Variants in WDR59 observed in about 807,000 individuals in gnomAD.
The protein encoded by WDR59 is WD repeat domain 59.
In WDR59, 100 loss-of-function variants were observed where a neutral mutation model predicts 131.2. That is an observed-to-expected ratio of 0.76 (90% CI 0.65 to 0.90). WDR59 has a LOEUF of 0.90. Ranked by LOEUF, WDR59 falls within the 40% of genes least tolerant of loss-of-function variation. WDR59 has a pLI of 0.00. For missense variants in WDR59, 1,203 were observed against 1,262.2 expected (o/e 0.95, Z 0.71); for synonymous variants, 601 against 466.2 (o/e 1.29, Z -3.72).
intron 13 of WDR59, among the ~76,000 whole-genome samples, chr16:74,915,075 G>T (rs1282632213): frequency 6.6e-6 from 1 of 152,188 alleles, no homozygotes; most frequent in Admixed American, 6.5e-5. Context: ...AAGAAGTTTT[G>T]GTTGCCTTCT....
chr16:74,966,605 T>C (rs2033787210), intron 1 of WDR59, among the ~76,000 whole-genome samples: 1 of 152,082 alleles, frequency 6.6e-6, no homozygotes, highest in African/African-American at 2.4e-5. Flanking sequence ...AAACCTAACC[T>C]GGACACCCCC....
intron 9 of WDR59, 140 bp downstream of exon 9, chr16:74,923,786 T>TCA (rs1302776956): frequency 1.3e-6 from 1 of 757,234 alleles, no homozygotes; most frequent in African/African-American, 1.8e-5. Context: ...GCTATCATTA[T>TCA]CACGTTTGTC....
chr16:74,954,741 GGATA>G (rs982925411), intron 3 of WDR59, among the ~76,000 whole-genome samples: 9 of 152,238 alleles, frequency 5.9e-5, no homozygotes, highest in African/African-American at 1.9e-4. Flanking sequence ...ATGGATGGAC[GGATA>G]GATAAACAAT....
intron 6 of WDR59, among the ~76,000 whole-genome samples, chr16:74,945,538 A>G (rs2032563457): frequency 6.6e-6 from 1 of 151,982 alleles, no homozygotes; most frequent in South Asian, 2.1e-4. Context: ...AATGTGATTG[A>G]GGCATCTGTA....
In WDR59 at chr16:74,877,735, G is replaced by A. The variant is rs143747056; in HGVS notation, c.2690-3291C>T. Among the ~76,000 whole-genome samples the A allele has an allele frequency of 4.5e-3, 684 of 152,118 alleles. 5 individuals carry two copies. The highest frequency in any genetic ancestry group is 0.016 in the African/African-American group (645 of 41,490). On this transcript the variant is annotated intron_variant, in intron 25 of 25. Coordinates refer to ENST00000262144, the MANE Select transcript of WDR59 (RefSeq NM_030581.4). The stretch of plus-strand genomic sequence containing the variant: ...AATTTCTGTATTTTTAGTAGACAGG[G>A]GGTTTCACCATGTTGGCCAGTCTGG...
intron 1 of WDR59, among the ~76,000 whole-genome samples, chr16:74,970,240 A>G (rs1421513861): frequency 6.6e-6 from 1 of 151,990 alleles, no homozygotes; most frequent in Non-Finnish European, 1.5e-5. Flanking sequence ...ATTCTGTTCC[A>G]TTGGTCTATA....
intron 8 of WDR59, among the ~76,000 whole-genome samples, chr16:74,930,026 A>ATTCT (rs2031236509): frequency 2.6e-5 from 4 of 152,204 alleles, no homozygotes; most frequent in Non-Finnish European, 2.9e-5. Flanking sequence ...TGGTTACCAG[A>ATTCT]GGCTGGGAAG....
At chr16:74,874,477 G>A in intron 25 of WDR59, 33 bp from the exon 26 acceptor site, 1 of 1,600,194 alleles carries the variant, frequency 6.2e-7, no homozygotes, top group Non-Finnish European at 8.5e-7. Flanking sequence ...AAAACAAGAG[G>A]CAGCATGAGT....
chr16:74,898,006 T>C (rs1965374282), intron 18 of WDR59, among the ~76,000 whole-genome samples: 1 of 152,220 alleles, frequency 6.6e-6, no homozygotes, highest in African/African-American at 2.4e-5. Flanking sequence ...TGCTAGCTAA[T>C]GAGTAGATGG....
At chr16:74,933,795 G>C (rs1462192761) in intron 8 of WDR59, among the ~76,000 whole-genome samples, 1 of 152,130 alleles carries the variant, frequency 6.6e-6, no homozygotes, top group African/African-American at 2.4e-5. Flanking sequence ...ATGTTAGTGG[G>C]GCTAGTCACG....
chr16:74,922,606 G>A (rs978273309), intron 9 of WDR59, among the ~76,000 whole-genome samples: 9 of 152,124 alleles, frequency 5.9e-5, no homozygotes, highest in Non-Finnish European at 1.0e-4. Context: ...AAACTTGCTC[G>A]CTTCAGGACT....
chr16:74,913,717 G>A (rs1966218945), intron 13 of WDR59, among the ~76,000 whole-genome samples: 1 of 152,156 alleles, frequency 6.6e-6, no homozygotes, highest in Non-Finnish European at 1.5e-5. Context: ...AACTTAAAAA[G>A]TGCTCCTGGG....
chr16:74,874,477 G>T (rs375442368), intron 25 of WDR59, 33 bp from the exon 26 acceptor site: 1 of 1,600,076 alleles, frequency 6.2e-7, no homozygotes, highest in Non-Finnish European at 8.5e-7. Context: ...AAAACAAGAG[G>T]CAGCATGAGT....
chr16:74,915,274 T>C (rs532931157), intron 13 of WDR59, among the ~76,000 whole-genome samples: 1 of 152,160 alleles, frequency 6.6e-6, no homozygotes, highest in African/African-American at 2.4e-5. Context: ...CTAAGTATCT[T>C]CCTCTACAGT....
intron 7 of WDR59, among the ~76,000 whole-genome samples, chr16:74,940,754 G>A (rs2032153790): frequency 6.6e-6 from 1 of 152,038 alleles, no homozygotes; most frequent in Non-Finnish European, 1.5e-5. Flanking sequence ...CATCCAGGCT[G>A]GAGTGCAGTG....
intron 8 of WDR59, among the ~76,000 whole-genome samples, chr16:74,928,617 A>G (rs984112427): frequency 2.6e-5 from 4 of 151,914 alleles, no homozygotes; most frequent in African/African-American, 7.2e-5. Flanking sequence ...AAATACTCCA[A>G]TGAAATGGGT....
chr16:74,981,633 TATATATATA>T (rs2034414888), intron 1 of WDR59, among the ~76,000 whole-genome samples: 3 of 17,566 alleles, frequency 1.7e-4, no homozygotes, highest in African/African-American at 6.0e-4. Context: ...TATATATATA[TATATATATA>T]TATATATATA....
At chr16:74,969,131 T>C (rs965178959) in intron 1 of WDR59, among the ~76,000 whole-genome samples, 1 of 152,172 alleles carries the variant, frequency 6.6e-6, no homozygotes, top group African/African-American at 2.4e-5. Flanking sequence ...AGCCCTGCAA[T>C]GACTGAGATA....
intron 10 of WDR59, among the ~76,000 whole-genome samples, chr16:74,919,276 G>C (rs532020318): frequency 6.6e-6 from 1 of 151,358 alleles, no homozygotes; most frequent in Non-Finnish European, 1.5e-5. Flanking sequence ...CCCTGTTCAT[G>C]CCACCCTATG....
Sources: gnomAD v4.1 joint callset for allele counts (sites outside exome capture counted in the v4.1 genomes callset) on GRCh38, gnomAD v4.1.1 for gene constraint, MANE v1.5 for transcripts, NCBI Gene and HGNC (gene_info 2026-07-23, HGNC 2026-07-21) for gene names.